Variants in MCF2L2 observed in about 807,000 individuals in gnomAD.
MCF2L2 encodes the protein MCF.2 cell line derived transforming sequence-like 2, also known as probable guanine nucleotide exchange factor MCF2L2.
MCF2L2 carries 102 observed loss-of-function variants against 150.2 expected under a neutral mutation model. The ratio of observed to expected loss-of-function variants is 0.68; its 90% CI spans 0.58 to 0.80. MCF2L2 has a LOEUF of 0.80. MCF2L2 is among the 30% of genes least tolerant of loss of function. The pLI is 0.00. For synonymous variants in MCF2L2, 465 were observed against 491.3 expected, an observed-to-expected ratio of 0.95 and a Z score of 0.71; for missense variants, 1,256 against 1,372.8, an observed-to-expected ratio of 0.91 and a Z score of 1.34.
chr3:183,251,637 T>C (rs1007980437), intron 15 of MCF2L2, among the ~76,000 whole-genome samples: 1 of 152,154 alleles, frequency 6.6e-6, no homozygotes, highest in East Asian at 1.9e-4. Context: ...GCATCATTAT[T>C]ATTACCTAAG....
At chr3:183,295,507 C>T in intron 12 of MCF2L2, 30 bp from the exon 13 acceptor site, 2 of 1,609,038 alleles carry the variant, frequency 1.2e-6, no homozygotes, top group Non-Finnish European at 1.7e-6. Context: ...TCATGATGAA[C>T]AGGTCTCTCT....
At chr3:183,423,635 T>G (rs1485785943) in intron 1 of MCF2L2, among the ~76,000 whole-genome samples, 59 of 102,238 alleles carry the variant, frequency 5.8e-4, no homozygotes, top group African/African-American at 3.2e-3. Context: ...TTTATTTGTT[T>G]TTTTTTTTTT....
intron 27 of MCF2L2, among the ~76,000 whole-genome samples, chr3:183,187,053 C>T (rs1481338591): frequency 6.6e-6 from 1 of 151,978 alleles, no homozygotes; most frequent in African/African-American, 2.4e-5. Flanking sequence ...GTAAAATAAC[C>T]CACCATCTCT....
intron 14 of MCF2L2, 111 bp downstream of exon 14, chr3:183,289,009 T>C (rs1358178179): frequency 5.5e-6 from 4 of 724,746 alleles, no homozygotes; most frequent in Non-Finnish European, 7.2e-6. Flanking sequence ...GTCTGTGCTA[T>C]GTGCCTTAGG....
At chr3:183,241,792 C>T (rs147172621) in intron 15 of MCF2L2, among the ~76,000 whole-genome samples, 174 of 152,206 alleles carry the variant, frequency 1.1e-3, no homozygotes, top group Non-Finnish European at 1.9e-3. Context: ...GAGGTTGAAA[C>T]AGTTTGGAGG....
intron 2 of MCF2L2, among the ~76,000 whole-genome samples, chr3:183,380,062 C>T (rs775606109): frequency 2.0e-5 from 3 of 152,102 alleles, no homozygotes; most frequent in Non-Finnish European, 4.4e-5. Context: ...ATTATTATTA[C>T]AAGGAAGCAA....
chr3:183,311,085 C>A, intron 8 of MCF2L2, 56 bp from the exon 9 acceptor site: 1 of 1,044,282 alleles, frequency 9.6e-7, no homozygotes, highest in East Asian at 2.4e-5. Context: ...CCACAGGCAT[C>A]CATATAGGCC....
rs1730015845 is a variant in MCF2L2 at position 183,326,157 on chromosome 3, A to G, written c.487-2806T>C. On this transcript the variant is annotated intron_variant, in intron 5 of 29. Transcript: ENST00000328913. ...TGGGAAAAAAAAAGCAAGTCCTGAT[A>G]GACCCACACAAATACGATCAATTGA... Among the ~76,000 whole-genome samples, 8 of 152,194 alleles carry G rather than the reference A, an allele frequency of 5.3e-5. No individual in the cohort carries two copies. The South Asian group carries it at 1.4e-3, about 28-fold the overall frequency.
At chr3:183,185,951 C>A (rs1721677641) in intron 27 of MCF2L2, among the ~76,000 whole-genome samples, 1 of 152,040 alleles carries the variant, frequency 6.6e-6, no homozygotes, top group Non-Finnish European at 1.5e-5. Context: ...CCTGCCAGCT[C>A]CTAAGGCAGT....
intron 1 of MCF2L2, among the ~76,000 whole-genome samples, chr3:183,390,387 T>C (rs1483379395): frequency 6.6e-6 from 1 of 152,110 alleles, no homozygotes; most frequent in Non-Finnish European, 1.5e-5. Context: ...AACTGAATAA[T>C]AAGTTATATA....
At chr3:183,207,119 G>A (rs1485608908) in intron 23 of MCF2L2, among the ~76,000 whole-genome samples, 1 of 152,142 alleles carries the variant, frequency 6.6e-6, no homozygotes, top group Non-Finnish European at 1.5e-5. Context: ...GGGTGTGTGT[G>A]TTTCATAGCC....
chr3:183,190,441 G>A (rs966635876), intron 27 of MCF2L2, among the ~76,000 whole-genome samples: 3 of 152,216 alleles, frequency 2.0e-5, no homozygotes, highest in Non-Finnish European at 4.4e-5. Flanking sequence ...ATGCAAATGT[G>A]TTATTGAAAA....
At chr3:183,234,781 T>G (rs1723740740) in intron 15 of MCF2L2, among the ~76,000 whole-genome samples, 1 of 126,112 alleles carries the variant, frequency 7.9e-6, no homozygotes, top group Non-Finnish European at 1.6e-5. Context: ...TGTGCCATGC[T>G]GGTGCGCTGC....
intron 18 of MCF2L2, chr3:183,225,674 T>G (rs1390251097): frequency 6.6e-6 from 1 of 152,232 alleles, no homozygotes; most frequent in Non-Finnish European, 1.5e-5. Flanking sequence ...AGTTTCCTCA[T>G]CTGTTAAGTG....
chr3:183,280,022 G>A (rs1283087138), intron 14 of MCF2L2, among the ~76,000 whole-genome samples: 3 of 149,514 alleles, frequency 2.0e-5, no homozygotes, highest in Non-Finnish European at 4.4e-5. Flanking sequence ...GCAAGATTCC[G>A]TCTCCAAAAA....
intron 3 of MCF2L2, chr3:183,373,433 A>C (rs1283544893): frequency 1.3e-5 from 2 of 152,208 alleles, no homozygotes; most frequent in African/African-American, 4.8e-5. Flanking sequence ...GAAATACAGA[A>C]CTGTGATAGC....
intron 10 of MCF2L2, among the ~76,000 whole-genome samples, chr3:183,303,481 C>T (rs10937121): frequency 0.12 from 18,265 of 152,164 alleles, 2,935 homozygotes; most frequent in African/African-American, 0.36. Flanking sequence ...TACAGTAACA[C>T]AAGGAGTCAC....
intron 13 of MCF2L2, among the ~76,000 whole-genome samples, chr3:183,290,435 ATTC>A (rs1233006214): frequency 2.0e-5 from 3 of 152,190 alleles, no homozygotes; most frequent in Non-Finnish European, 4.4e-5. Flanking sequence ...GGTACTTTGA[ATTC>A]TTATTTGTCA....
At chr3:183,247,990 A>C (rs960374535) in intron 15 of MCF2L2, among the ~76,000 whole-genome samples, 1 of 152,236 alleles carries the variant, frequency 6.6e-6, no homozygotes, top group African/African-American at 2.4e-5. Context: ...ATGTCTATGA[A>C]ATAGTCAAAG....
Sources: allele counts gnomAD v4.1 joint callset (sites outside exome capture counted in the v4.1 genomes callset), GRCh38; gene constraint gnomAD v4.1.1; transcripts MANE v1.5; gene names NCBI Gene and HGNC (gene_info 2026-07-23, HGNC 2026-07-21).